The following FAT4 variants were observed in gnomAD, a reference collection of about 807,000 sequenced individuals.
The protein encoded by FAT4 is protocadherin Fat 4.
In FAT4, 84 loss-of-function variants were observed where a neutral mutation model predicts 303.9. That is an observed-to-expected ratio of 0.28 (90% CI 0.23 to 0.33). The LOEUF (loss-of-function observed/expected upper bound fraction) is 0.33. Among genes scored for constraint, FAT4 ranks in the 10% least tolerant of loss-of-function variants. The probability of loss-of-function intolerance (pLI) is 1.00; values close to 1 mark genes in which losing one functional copy is unlikely to be tolerated. For missense variants in FAT4, 6,005 were observed against 6,146.8 expected (o/e 0.98, Z 0.77); for synonymous variants, 2,307 against 2,298.8 (o/e 1.00, Z -0.10).
intron 17 of FAT4, among the ~76,000 whole-genome samples, 172 bp downstream of exon 17, chr4:125,487,778 A>T (rs1727463074): frequency 6.6e-6 from 1 of 152,244 alleles, no homozygotes; most frequent in Non-Finnish European, 1.5e-5. Context: ...AATATCAATT[A>T]TAAATATCCT....
intron 10 of FAT4, among the ~76,000 whole-genome samples, chr4:125,463,149 T>C (rs1288149729): frequency 6.6e-6 from 1 of 151,910 alleles, no homozygotes; most frequent in Non-Finnish European, 1.5e-5. Flanking sequence ...TAAGATAAGT[T>C]ATTATCTTTG....
chr4:125,386,675 T>C (rs1733762629), intron 2 of FAT4, among the ~76,000 whole-genome samples: 1 of 152,210 alleles, frequency 6.6e-6, no homozygotes, highest in Non-Finnish European at 1.5e-5. Context: ...CTTTACAATT[T>C]ATATCACATA....
At chr4:125,444,393 A>T (rs1160121754) in intron 8 of FAT4, among the ~76,000 whole-genome samples, 1 of 152,186 alleles carries the variant, frequency 6.6e-6, no homozygotes, top group Non-Finnish European at 1.5e-5. Flanking sequence ...TCACTCCCTC[A>T]ATAACTAACT....
Position 125,317,004 on chromosome 4 carries a change from C to G in FAT4, c.593C>G (p.Ala198Gly). 1 of 1,614,038 alleles carries G rather than the reference C, an allele frequency of 6.2e-7. No individual in the cohort carries two copies. The highest frequency in any genetic ancestry group is 8.5e-7 in the Non-Finnish European group (1 of 1,180,024). Residue 198 changes from alanine (A) to glycine (G), a missense_variant, in exon 2 of 18, where the codon GCG (alanine) becomes GGG (glycine). Ala to Gly is a moderately conservative substitution (Grantham distance 60, BLOSUM62 0). Transcript: ENST00000394329. This position sits in a 1 kb window ranked among gnomAD's most constrained non-coding sequence, Gnocchi z 7.0. ...ACCCTGAACCCGAGCGGCGAGGGAG[C>G]GTTCCTGCATCTGGTGTCCAAGGGC... is the stretch of plus-strand genomic sequence containing the variant. Reference protein sequence around the residue: ...DITLNPSGEGAFLHLVSKGGL... With the variant: ...DITLNPSGEGGFLHLVSKGGL...
chr4:125,318,756 C>G lies in FAT4; in HGVS notation c.2345C>G (p.Thr782Ser). The G allele has an allele frequency of 6.2e-7, 1 of 1,614,072 alleles. No homozygotes were observed. The highest frequency in any genetic ancestry group is 8.5e-7 in the Non-Finnish European group (1 of 1,179,966). The stretch of plus-strand genomic sequence containing the variant: ...CCCAACCAGGCAATAGTAACCATCA[C>G]TGTATTGGACACTCAAGACAACCCA... ...QSPNQAIVTI[T>S]VLDTQDNPPV... is the part of the protein sequence containing the mutation. Residue 782 changes from threonine (T) to serine (S), a missense_variant, in exon 2 of 18, where the codon ACT (threonine) becomes AGT (serine). Thr to Ser is a moderately conservative substitution (Grantham distance 58). Transcript: ENST00000394329.
intron 3 of FAT4, among the ~76,000 whole-genome samples, chr4:125,403,712 T>C (rs1458774006): frequency 6.6e-6 from 1 of 152,172 alleles, no homozygotes; most frequent in African/African-American, 2.4e-5. Context: ...GCAGGTCCTA[T>C]TCTTGAAATG....
chr4:125,330,350 T>A (rs1731331978), intron 2 of FAT4, among the ~76,000 whole-genome samples: 1 of 152,248 alleles, frequency 6.6e-6, no homozygotes, highest in Non-Finnish European at 1.5e-5. Context: ...CCATAAGGCT[T>A]ACCAGCCTCC....
At position 125,316,784 on chromosome 4, in the gene FAT4, G is replaced by A. The variant is rs767485232; in HGVS notation, c.373G>A (p.Val125Met). The change falls in exon 2 of 18, where the codon GTG becomes ATG. Residue 125 changes from valine (V) to methionine (M), a missense_variant. Coordinates refer to ENST00000394329, the MANE Select transcript of FAT4 (RefSeq NM_001291303.3). The surrounding 1 kb of genome is among the most constrained non-coding windows in gnomAD (Gnocchi z 5.7). ...PTYPTEVRVL[V>M]RDLNDNAPVF... ...CTACCCCACCGAAGTGCGAGTGCTG[G>A]TGCGGGACCTCAATGACAACGCCCC... 1 of 1,614,054 alleles carries A rather than the reference G, an allele frequency of 6.2e-7. No homozygotes were observed. The highest frequency in any genetic ancestry group is 8.5e-7 in the Non-Finnish European group (1 of 1,180,036).
chr4:125,426,851 A>G (rs1394870722), intron 7 of FAT4, among the ~76,000 whole-genome samples: 1 of 152,058 alleles, frequency 6.6e-6, no homozygotes, highest in Non-Finnish European at 1.5e-5. Flanking sequence ...TAAAATTTAT[A>G]GAAACTGAAT....
At chr4:125,400,999 A>G (rs541737110) in intron 3 of FAT4, among the ~76,000 whole-genome samples, 2 of 151,958 alleles carry the variant, frequency 1.3e-5, no homozygotes, top group African/African-American at 4.8e-5. Flanking sequence ...TTATAACTCG[A>G]TTTGTTTGTG....
At chr4:125,357,750 CA>C (rs1732491524) in intron 2 of FAT4, among the ~76,000 whole-genome samples, 1 of 152,074 alleles carries the variant, frequency 6.6e-6, no homozygotes, top group Non-Finnish European at 1.5e-5. Context: ...ATGTTTGAAT[CA>C]AGGGCCTTTA....
rs769438697 is a variant in FAT4 at position 125,449,101 on chromosome 4, G to A, written c.8091G>A (p.Lys2697=). ...RKILTVSAMD[K]DSGPNGQLDY... is the part of the protein sequence containing the mutation. ...TACTTACTGTTTCGGCAATGGACAAGGACAGTGGACCCAATGGACAGTTAG... is the reference window on the plus strand; with the variant it reads ...TACTTACTGTTTCGGCAATGGACAAAGACAGTGGACCCAATGGACAGTTAG... Residue 2697 remains lysine, a synonymous_variant, in exon 10 of 18, where the codon AAG becomes AAA. Transcript: ENST00000394329. 5 of 1,613,790 alleles carry A rather than the reference G, an allele frequency of 3.1e-6. No individual in the cohort carries two copies. Among genetic ancestry groups the A allele is most frequent in the South Asian group, 2.2e-5 (2 of 91,086 alleles).
At chr4:125,379,478 G>T (rs1363004425) in intron 2 of FAT4, among the ~76,000 whole-genome samples, 1 of 151,114 alleles carries the variant, frequency 6.6e-6, no homozygotes, top group Non-Finnish European at 1.5e-5. Context: ...TATTTTTTTT[G>T]AGATGGAGTC....
chr4:125,382,542 TTG>T (rs1733581417), intron 2 of FAT4, among the ~76,000 whole-genome samples: 2 of 152,170 alleles, frequency 1.3e-5, no homozygotes, highest in Non-Finnish European at 2.9e-5. Context: ...CATCCAGGGT[TTG>T]TTGTTTCATT....
intron 11 of FAT4, among the ~76,000 whole-genome samples, chr4:125,467,335 T>A (rs917955341): frequency 1.3e-5 from 2 of 152,190 alleles, no homozygotes; most frequent in African/African-American, 4.8e-5. Context: ...TCCTTCTAGC[T>A]GAACAATTCT....
At position 125,439,561 on chromosome 4, in the gene FAT4, G is replaced by A. The variant is rs550500509; in HGVS notation, c.7199+5136G>A. ...TCACCGTGTTAGCCAGGATGGTCTC[G>A]ATCTTCTGATCTCGTGATCTGCCTG... On this transcript the variant is annotated intron_variant, in intron 8 of 17. Transcript: ENST00000394329. Among the ~76,000 whole-genome samples the A allele has an allele frequency of 3.3e-5, 5 of 151,530 alleles. No homozygotes were observed. In the East Asian group the frequency reaches 5.8e-4, roughly 18 times the overall value.
chr4:125,394,405 T>A lies in FAT4; in HGVS notation c.5176-4379T>A, dbSNP rs1006193119. 7.2e-5 allele frequency among the ~76,000 whole-genome samples: 11 copies of A among 152,310 alleles called. 1 individual carries two copies. Among genetic ancestry groups the A allele is most frequent in the Admixed American group, 5.2e-4 (8 of 15,292 alleles). Reference sequence around the variant, plus strand: ...TGTAAAACACTAAGAGGGGCAATGCTGGCACTGAAAGCTTAACTATGTAGT... The same window carrying A: ...TGTAAAACACTAAGAGGGGCAATGCAGGCACTGAAAGCTTAACTATGTAGT... On this transcript the variant is annotated intron_variant, in intron 2 of 17. Coordinates refer to ENST00000394329, the MANE Select transcript of FAT4 (RefSeq NM_001291303.3).
In FAT4 at chr4:125,451,973, T is replaced by G; in HGVS notation, c.10963T>G (p.Ser3655Ala). 2 of 1,614,132 alleles carry G rather than the reference T, an allele frequency of 1.2e-6. No homozygotes were observed. Among genetic ancestry groups the G allele is most frequent in the Middle Eastern group, 1.6e-4 (1 of 6,062 alleles). ...VLDSFHCSLTSGVTSLFSIPG... is the reference protein window; with the variant it reads ...VLDSFHCSLTAGVTSLFSIPG... ...AGACAGCTTCCACTGCTCCCTTACT[T>G]CAGGAGTTACCAGCCTCTTCAGTAT... is the stretch of plus-strand genomic sequence containing the variant. The change falls in exon 10 of 18, where the codon TCA becomes GCA. Residue 3655 changes from serine to alanine, a missense_variant. Ser to Ala is a moderately conservative substitution (Grantham distance 99). Transcript: ENST00000394329.
At position 125,451,597 on chromosome 4, in the gene FAT4, G is replaced by C; in HGVS notation, c.10587G>C (p.Val3529=). The C allele has an allele frequency of 6.2e-7, 1 of 1,614,118 alleles. No individual in the cohort carries two copies. The highest frequency in any genetic ancestry group is 8.5e-7 in the Non-Finnish European group (1 of 1,180,016). Residue 3529 remains valine, a synonymous_variant, in exon 10 of 18, where the codon GTG becomes GTC. Transcript: ENST00000394329. ...AAAACAAACGGCCAGGCACTTTGGT[G>C]ATGACCCTTCAGTCCACTGACCCTG... ...VMENKRPGTL[V]MTLQSTDPDL...
Sources: allele counts gnomAD v4.1 joint callset (sites outside exome capture counted in the v4.1 genomes callset), GRCh38; gene constraint gnomAD v4.1.1; non-coding constraint Gnocchi (gnomAD v3.1); transcripts MANE v1.5; gene names NCBI Gene and HGNC (gene_info 2026-07-23, HGNC 2026-07-21).